Variants in ABHD12B observed in about 807,000 individuals in gnomAD.
ABHD12B encodes protein ABHD12B.
Under a neutral mutation model 50.4 loss-of-function variants are expected in ABHD12B, and 42 were observed. The ratio of observed to expected loss-of-function variants is 0.83; its 90% confidence interval spans 0.65 to 1.08. The LOEUF is 1.08. ABHD12B is among the 50% of genes least tolerant of loss of function. The pLI is 0.00. For synonymous variants in ABHD12B, 167 were observed against 160.3 expected, an observed-to-expected ratio of 1.04 and a Z score of -0.32; for missense variants, 479 against 447.7, an observed-to-expected ratio of 1.07 and a Z score of -0.63.
intron 11 of ABHD12B, 121 bp from the exon 12 acceptor site, chr14:50,903,953 C>T (rs1041682361): frequency 2.6e-6 from 2 of 781,714 alleles, no homozygotes; most frequent in African/African-American, 3.5e-5. Flanking sequence ...AGTTTTCTGT[C>T]TCTGACTTAA....
chr14:50,894,263 G>A (rs999372256), intron 9 of ABHD12B, among the ~76,000 whole-genome samples: 5 of 151,934 alleles, frequency 3.3e-5, no homozygotes, highest in Admixed American at 1.3e-4. Flanking sequence ...GGCAAGTCCC[G>A]CTTTCCTAGG....
At chr14:50,872,307 G>A in intron 1 of ABHD12B, 29 bp downstream of exon 1, 13 of 1,257,160 alleles carry the variant, frequency 1.0e-5, no homozygotes, top group South Asian at 2.7e-5. Context: ...ACCCCTGGCC[G>A]GGCCCCGACG....
At chr14:50,892,826 G>C (rs1400886850) in intron 9 of ABHD12B, 1 of 153,420 alleles carries the variant, frequency 6.5e-6, no homozygotes, top group Non-Finnish European at 1.4e-5. Context: ...AAATTTTGAA[G>C]TGTGTTCTAA....
At chr14:50,883,214 G>A (rs949121470) in intron 5 of ABHD12B, among the ~76,000 whole-genome samples, 4 of 152,154 alleles carry the variant, frequency 2.6e-5, no homozygotes, top group African/African-American at 7.2e-5. Flanking sequence ...GGTAATCTCC[G>A]CTGCTGGTGA....
chr14:50,874,464 G>A (rs1479283810), intron 1 of ABHD12B, among the ~76,000 whole-genome samples: 2 of 152,120 alleles, frequency 1.3e-5, no homozygotes, highest in Non-Finnish European at 1.5e-5. Flanking sequence ...GCCAGGCGTG[G>A]TGGCACATGC....
Position 50,901,876 on chromosome 14 carries a change from G to A in ABHD12B, c.828G>A (p.Leu276=), listed in dbSNP as rs766912939. 1 of 1,597,124 alleles carries A rather than the reference G, an allele frequency of 6.3e-7. No homozygotes were observed. Among genetic ancestry groups the A allele is most frequent in the South Asian group, 1.1e-5 (1 of 87,516 alleles). Reference sequence around the variant, plus strand: ...TTTTACGTACACTTATGGATGCCCTGAGAAAAGACAAAATAATCTTTCCTA... The same window carrying A: ...TTTTACGTACACTTATGGATGCCCTAAGAAAAGACAAAATAATCTTTCCTA... ...PGFLRTLMDA[L]RKDKIIFPND... Residue 276 remains leucine (L), a synonymous_variant, in exon 10 of 13, where the codon CTG becomes CTA. Transcript: ENST00000337334.
intron 9 of ABHD12B, among the ~76,000 whole-genome samples, chr14:50,895,137 C>T (rs1050497652): frequency 5.3e-5 from 8 of 150,038 alleles, no homozygotes; most frequent in Non-Finnish European, 1.0e-4. Flanking sequence ...TGGCAGCAAC[C>T]CTGAGACACT....
At chr14:50,898,951 G>C (rs1415776314) in intron 9 of ABHD12B, among the ~76,000 whole-genome samples, 2 of 152,210 alleles carry the variant, frequency 1.3e-5, no homozygotes, top group African/African-American at 4.8e-5. Flanking sequence ...CCAGCACTTT[G>C]GGAGGCCGAG....
rs141717882 is a variant in ABHD12B, at chr14:50,881,781, G to A, written c.486+155G>A. ...GTCTGGGGCTCAAAGTCCCACCGGT[G>A]GACTTCTGCTCCTACACTGATCAAA... On this transcript the variant is annotated intron_variant, in intron 5 of 12. Transcript: ENST00000337334. Among the ~76,000 whole-genome samples the A allele has an allele frequency of 5.0e-3, 754 of 151,992 alleles. 9 individuals are homozygous for A. The highest frequency in any genetic ancestry group is 0.017 in the African/African-American group (717 of 41,434).
chr14:50,901,768 T>C, intron 9 of ABHD12B, 61 bp from the exon 10 acceptor site: 2 of 1,105,516 alleles, frequency 1.8e-6, no homozygotes, highest in South Asian at 1.6e-5. Context: ...AGTGAAAGAC[T>C]ATATAACAGA....
chr14:50,876,272 G>A (rs1411440226), intron 1 of ABHD12B, among the ~76,000 whole-genome samples: 1 of 152,122 alleles, frequency 6.6e-6, no homozygotes, highest in Non-Finnish European at 1.5e-5. Context: ...ATTACCCTTA[G>A]CCCACATATC....
At chr14:50,891,725 T>G (rs540012245) in intron 9 of ABHD12B, 21 of 152,354 alleles carry the variant, frequency 1.4e-4, no homozygotes, top group African/African-American at 5.0e-4. Context: ...CAGGTTTAGA[T>G]TTTTGTATGG....
Position 50,885,884 on chromosome 14 carries a change from T to C in ABHD12B, c.651T>C (p.Ser217=), listed in dbSNP as rs2050029092. The C allele has an allele frequency of 6.2e-7, 1 of 1,614,008 alleles. No homozygotes were observed. Residue 217 remains serine (S), a synonymous_variant, in exon 7 of 13, where the codon TCT becomes TCC. Transcript: ENST00000337334. ...GITPVCLWGH[S]LGTGVATNAA... ...CTCCCGTGTGTCTCTGGGGCCACTC[T>C]CTGGGTACAGGGTAAGTGAGATCTG...
chr14:50,902,059 C>T, intron 10 of ABHD12B, 148 bp downstream of exon 10: 3 of 545,274 alleles, frequency 5.5e-6, no homozygotes, highest in Non-Finnish European at 9.5e-6. Flanking sequence ...TAGATGGGCA[C>T]TAAGATTTGG....
intron 9 of ABHD12B, among the ~76,000 whole-genome samples, chr14:50,897,285 GCTAGT>G (rs947863465): frequency 6.6e-6 from 1 of 151,984 alleles, no homozygotes. Flanking sequence ...TGTTGATCAG[GCTAGT>G]CTTAAACTCT....
chr14:50,881,727 C>A, intron 5 of ABHD12B, 101 bp downstream of exon 5: 1 of 1,413,486 alleles, frequency 7.1e-7, no homozygotes, highest in South Asian at 1.2e-5. Context: ...TGAGAGGTCT[C>A]CAGGGTACTG....
At position 50,886,096 on chromosome 14, in the gene ABHD12B, A is replaced by G. The variant is rs146052891; in HGVS notation, c.662+201A>G. ...AACAACAGAAGGTCCCTTCAGCTCT[A>G]CGGTTATCTATTACATTGAAGTCCA... On this transcript the variant is annotated intron_variant, in intron 7 of 12. Coordinates refer to ENST00000337334, the MANE Select transcript of ABHD12B (RefSeq NM_001206673.2). 2.2e-4 allele frequency among the ~76,000 whole-genome samples: 34 copies of G among 152,240 alleles called. 1 individual carries two copies. In the East Asian group the frequency reaches 6.6e-3, roughly 29 times the overall value.
intron 5 of ABHD12B, among the ~76,000 whole-genome samples, chr14:50,882,281 G>T (rs2049963979): frequency 6.6e-6 from 1 of 150,818 alleles, no homozygotes; most frequent in Non-Finnish European, 1.5e-5. Flanking sequence ...TGGGTTGAGA[G>T]AGTATTATTA....
intron 10 of ABHD12B, 55 bp downstream of exon 10, chr14:50,901,966 G>A: frequency 8.1e-7 from 1 of 1,227,802 alleles, no homozygotes; most frequent in Non-Finnish European, 1.1e-6. Context: ...GATTCTAGGG[G>A]CAACTATCAT....
Sources: gnomAD v4.1 joint callset for allele counts (sites outside exome capture counted in the v4.1 genomes callset) on GRCh38, gnomAD v4.1.1 for gene constraint, MANE v1.5 for transcripts, NCBI Gene and HGNC (gene_info 2026-07-23, HGNC 2026-07-21) for gene names.